NAV3: variants seen among roughly 807,000 people sequenced by gnomAD.
The protein encoded by NAV3 is neuron navigator 3.
In NAV3, 87 loss-of-function variants were observed where a neutral mutation model predicts 244.7. The observed-to-expected ratio is 0.36, with a 90% CI of 0.30 to 0.42. NAV3 has a LOEUF of 0.42. Among genes scored for constraint, NAV3 ranks in the 20% least tolerant of loss-of-function variants. The pLI is 1.00. For synonymous variants in NAV3, 1,126 were observed against 1,042.2 expected (o/e 1.08, Z -1.55); for missense variants, 2,663 against 2,893.3 (o/e 0.92, Z 1.83).
At chr12:78,033,795 T>C (rs1364804837) in intron 9 of NAV3, among the ~76,000 whole-genome samples, 3 of 152,216 alleles carry the variant, frequency 2.0e-5, no homozygotes, top group Non-Finnish European at 4.4e-5. Flanking sequence ...TTAAATTTCC[T>C]GTCTCATTGA....
chr12:77,933,649 A>G (rs550526885), intron 1 of NAV3, among the ~76,000 whole-genome samples: 1 of 152,318 alleles, frequency 6.6e-6, no homozygotes, highest in Admixed American at 6.5e-5. Context: ...AATGTATTAC[A>G]TATATTGTGA....
intron 1 of NAV3, among the ~76,000 whole-genome samples, chr12:77,916,331 G>A (rs1295139238): frequency 6.6e-6 from 1 of 151,240 alleles, no homozygotes; most frequent in African/African-American, 2.4e-5. Flanking sequence ...ATAAATCCAG[G>A]GACCGTTTTG....
intron 2 of NAV3, among the ~76,000 whole-genome samples, chr12:77,671,209 C>T (rs1005748427): frequency 1.3e-5 from 2 of 149,956 alleles, no homozygotes; most frequent in African/African-American, 2.5e-5. Flanking sequence ...AAACAAAAAA[C>T]AAGAAACAAA....
intron 2 of NAV3, among the ~76,000 whole-genome samples, chr12:77,609,849 T>G (rs1870834670): frequency 6.6e-6 from 1 of 152,038 alleles, no homozygotes; most frequent in Admixed American, 6.6e-5. Context: ...TATTTAGGCC[T>G]TTCTTATCAT....
chr12:78,098,481 G>T (rs1360653371), intron 12 of NAV3, among the ~76,000 whole-genome samples: 3 of 151,572 alleles, frequency 2.0e-5, no homozygotes, highest in Non-Finnish European at 4.4e-5. Flanking sequence ...AAATAGAAAA[G>T]AAATAGTTGT....
At chr12:78,021,171 A>G (rs899522744) in intron 8 of NAV3, among the ~76,000 whole-genome samples, 9 of 152,152 alleles carry the variant, frequency 5.9e-5, no homozygotes, top group Non-Finnish European at 1.3e-4. Context: ...ATACATACCC[A>G]TGTACATACA....
At chr12:78,044,899 T>C (rs1049685590) in intron 9 of NAV3, among the ~76,000 whole-genome samples, 8 of 152,210 alleles carry the variant, frequency 5.3e-5, no homozygotes, top group South Asian at 2.1e-4. Flanking sequence ...ACTTCCTCTC[T>C]TCCTATCTAA....
At chr12:78,092,491 C>CTTTTTTTTTTTT (rs71088358) in intron 12 of NAV3, among the ~76,000 whole-genome samples, 2 of 64,028 alleles carry the variant, frequency 3.1e-5, no homozygotes, top group Non-Finnish European at 6.1e-5. Context: ...TAGTTATTTT[C>CTTTTTTTTTTTT]TTTTTTTTTT....
chr12:77,821,575 G>C (rs980926834), intron 2 of NAV3, among the ~76,000 whole-genome samples: 2 of 152,106 alleles, frequency 1.3e-5, no homozygotes, highest in Non-Finnish European at 1.5e-5. Context: ...TACAACCATT[G>C]CAAATGACAT....
rs368189166 is a variant in NAV3 at position 78,119,265 on chromosome 12, G to A, written c.3069G>A (p.Glu1023=). ...AAACCGATGATGCCAAAGCTTCTGA[G>A]AAAGGAAAAGCTCCCCTAAAAGGAT... is the stretch of plus-strand genomic sequence containing the variant. ...PGKTDDAKAS[E]KGKAPLKGSS... Residue 1023 remains glutamate (E), a synonymous_variant, in exon 15 of 40, where the codon GAG becomes GAA. Coordinates refer to ENST00000397909, the MANE Select transcript of NAV3 (RefSeq NM_001024383.2). The A allele has an allele frequency of 1.9e-6, 3 of 1,612,894 alleles. No homozygotes were observed. The highest frequency in any genetic ancestry group is 2.5e-6 in the Non-Finnish European group (3 of 1,179,688).
intron 23 of NAV3, among the ~76,000 whole-genome samples, chr12:78,160,009 T>C (rs1216866544): frequency 2.0e-5 from 3 of 152,134 alleles, no homozygotes; most frequent in Non-Finnish European, 2.9e-5. Flanking sequence ...GAAGGATGCC[T>C]GGGACTCTGC....
At chr12:77,622,058 A>T (rs1256728259) in intron 2 of NAV3, among the ~76,000 whole-genome samples, 11 of 152,178 alleles carry the variant, frequency 7.2e-5, no homozygotes, top group South Asian at 2.1e-4. Flanking sequence ...CTAGCAAAGT[A>T]CTTGCCCCAG....
intron 2 of NAV3, among the ~76,000 whole-genome samples, chr12:77,765,110 T>C (rs1186822768): frequency 1.3e-5 from 2 of 152,244 alleles, no homozygotes; most frequent in Non-Finnish European, 2.9e-5. Context: ...TACTAAAATC[T>C]TTTTGAAAGA....
rs576205127 is a variant in NAV3 at position 77,741,401 on chromosome 12, A to G, written c.72+169135A>G. Among the ~76,000 whole-genome samples, 128 of 152,176 alleles carry G rather than the reference A, an allele frequency of 8.4e-4. No homozygotes were observed. The Middle Eastern group carries it at 0.017, about 20-fold the overall frequency. ...TTTTTTACATACATTTTACATACAC[A>G]CACACATATACTGGTCACACACACA... is the stretch of plus-strand genomic sequence containing the variant. On this transcript the variant is annotated intron_variant, in intron 2 of 8. Coordinates refer to the NAV3 transcript ENST00000550042.
chr12:77,638,471 G>C (rs538468293), intron 2 of NAV3, among the ~76,000 whole-genome samples: 1 of 152,312 alleles, frequency 6.6e-6, no homozygotes, highest in Admixed American at 6.5e-5. Flanking sequence ...ATCCAGCAAA[G>C]CAGTGCTGCA....
intron 1 of NAV3, among the ~76,000 whole-genome samples, chr12:77,918,109 T>C (rs986580374): frequency 1.3e-5 from 2 of 152,014 alleles, no homozygotes; most frequent in African/African-American, 4.8e-5. Flanking sequence ...TAAAGAACAA[T>C]ATTTTGGCGT....
At chr12:78,106,811 A>T (rs1954825791) in intron 12 of NAV3, among the ~76,000 whole-genome samples, 1 of 152,190 alleles carries the variant, frequency 6.6e-6, no homozygotes, top group Non-Finnish European at 1.5e-5. Flanking sequence ...AAAGATAGGC[A>T]TGTAGTCAGC....
chr12:78,195,108 G>A (rs565454017), intron 34 of NAV3, among the ~76,000 whole-genome samples: 25 of 151,732 alleles, frequency 1.6e-4, no homozygotes, highest in Non-Finnish European at 2.9e-4. Context: ...CTGTTTCCTT[G>A]GATAAATAAA....
chr12:77,602,646 T>C (rs1203898008), intron 2 of NAV3, among the ~76,000 whole-genome samples: 2 of 151,646 alleles, frequency 1.3e-5, no homozygotes, highest in Non-Finnish European at 3.0e-5. Flanking sequence ...GGCAGACAGA[T>C]AGGGGGGAAT....
Sources: gnomAD v4.1 joint callset for allele counts (sites outside exome capture counted in the v4.1 genomes callset) on GRCh38, gnomAD v4.1.1 for gene constraint, MANE v1.5 for transcripts, NCBI Gene and HGNC (gene_info 2026-07-23, HGNC 2026-07-21) for gene names.